Variants in RNF135 observed in about 807,000 individuals in gnomAD.
RNF135 encodes the protein E3 ubiquitin-protein ligase RNF135.
In RNF135, 46 loss-of-function variants were observed where a neutral mutation model predicts 41.9. The ratio of observed to expected loss-of-function variants is 1.10; its 90% CI spans 0.87 to 1.40. The LOEUF (loss-of-function observed/expected upper bound fraction) is 1.40, where lower values mean the gene tolerates loss of function less well. RNF135 is among the 40% of genes most tolerant of loss of function. The pLI is 0.00. For synonymous variants in RNF135, 238 were observed against 223.8 expected (o/e 1.06, Z -0.57); for missense variants, 539 against 549.8 (o/e 0.98, Z 0.20).
At chr17:30,960,800 C>T in the RNF135 span, among the ~76,000 whole-genome samples, 5 of 147,024 alleles carry the variant, frequency 3.4e-5, no homozygotes, top group African/African-American at 7.5e-5. Context: ...AGTGCAGTGG[C>T]GCAATCTCGG....
rs534146867 is a variant in RNF135, at chr17:30,971,128, C to A, written c.55C>A (p.Leu19Ile). The change falls in exon 1 of 5, where the codon CTC becomes ATC. Residue 19 changes from leucine to isoleucine, a missense_variant. Around this residue, in one of 2 missense-constraint regions of RNF135, gnomAD observed 277 missense variants for 212.8 expected, o/e 1.30. Coordinates refer to ENST00000328381, the MANE Select transcript of RNF135 (RefSeq NM_032322.4). ...AVPVWLAEDD[L>I]GCIICQGLLD... ...TCCCGTGTGGCTGGCCGAGGACGAC[C>A]TCGGCTGCATCATCTGCCAGGGGCT... 3.9e-6 allele frequency: 6 copies of A among 1,534,254 alleles called. No homozygotes were observed. In the East Asian group the frequency reaches 1.5e-4, roughly 38 times the overall value.
chr17:30,979,654 C>G (rs1323283329), intron 1 of RNF135, among the ~76,000 whole-genome samples: 1 of 98,636 alleles, frequency 1.0e-5, no homozygotes, highest in African/African-American at 3.6e-5. Flanking sequence ...GCTGGCCAGG[C>G]GGGGGGCTGA....
intron 3 of RNF135, among the ~76,000 whole-genome samples, chr17:30,994,158 G>A (rs1908179682): frequency 6.6e-6 from 1 of 152,142 alleles, no homozygotes; most frequent in African/African-American, 2.4e-5. Flanking sequence ...CAGCAAAATA[G>A]GAGAACAGTG....
At position 30,989,721 on chromosome 17, in the gene RNF135, C is replaced by T. The variant is rs142722621; in HGVS notation, c.679+1615C>T. The stretch of plus-strand genomic sequence containing the variant: ...ATGCTACTTAAAAAATCATTTCTGG[C>T]CAGTGCAGTGGCTTATGCCTGTAAT... On this transcript the variant is annotated intron_variant, in intron 3 of 4. Coordinates refer to ENST00000328381, the MANE Select transcript of RNF135 (RefSeq NM_032322.4). Among the ~76,000 whole-genome samples the T allele has an allele frequency of 1.7e-3, 258 of 152,232 alleles. 1 individual carries two copies. The highest frequency in any genetic ancestry group is 5.8e-3 in the African/African-American group (240 of 41,526).
chr17:30,986,215 CT>C (rs111962099), intron 2 of RNF135, among the ~76,000 whole-genome samples: 348 of 142,150 alleles, frequency 2.4e-3, no homozygotes, highest in Middle Eastern at 3.6e-3. Context: ...ACTTTTGATG[CT>C]TTTTTTTTTT....
chr17:30,988,086 C>G lies in RNF135; in HGVS notation c.659C>G (p.Ala220Gly), dbSNP rs1229439149. ...KLQESVTWKE[A>G]PEAQMQGELL... is the part of the protein sequence containing the mutation. ...CAAGAAAGCGTCACCTGGAAAGAGG[C>G]TCCTGAAGCACAAATGCAGGGTGAG... The change falls in exon 3 of 5, where the codon GCT becomes GGT. Residue 220 changes from alanine (A) to glycine (G), a missense_variant. This residue lies in a region of RNF135 where 262 missense variants were observed against 336.9 expected (regional missense o/e 0.78). Coordinates refer to ENST00000328381, the MANE Select transcript of RNF135 (RefSeq NM_032322.4). 2 of 1,614,004 alleles carry G rather than the reference C, an allele frequency of 1.2e-6. No individual in the cohort carries two copies. Among genetic ancestry groups the G allele is most frequent in the South Asian group, 2.2e-5 (2 of 91,076 alleles).
chr17:30,971,224 G>A lies in RNF135; in HGVS notation c.151G>A (p.Ala51Thr), dbSNP rs1256269376. ...CRHCLEALWG[A>T]RDARRWACPT... ...CCACTGCCTGGAGGCCCTGTGGGGC[G>A]CCCGCGACGCCCGCCGCTGGGCCTG... is the stretch of plus-strand genomic sequence containing the variant. The change falls in exon 1 of 5, where the codon GCC becomes ACC. Residue 51 changes from alanine to threonine, a missense_variant. Coordinates refer to ENST00000328381, the MANE Select transcript of RNF135 (RefSeq NM_032322.4). 2.0e-6 allele frequency: 3 copies of A among 1,511,482 alleles called. No individual in the cohort carries two copies. The highest frequency in any genetic ancestry group is 5.2e-5 in the East Asian group (2 of 38,238). 93.6% of individuals were successfully genotyped at this position (1,511,482 alleles called of 1,614,324 possible).
At chr17:30,984,588 C>T (rs534008854) in intron 1 of RNF135, 29 bp from the exon 2 acceptor site, 1 of 1,613,898 alleles carries the variant, frequency 6.2e-7, no homozygotes, top group Non-Finnish European at 8.5e-7. Context: ...TTTTATAGAA[C>T]CCAGGACCTG....
intron 1 of RNF135, chr17:30,975,448 T>G: frequency 1.3e-6 from 1 of 775,218 alleles, no homozygotes; most frequent in East Asian, 2.4e-5. Flanking sequence ...GGAAATGAAC[T>G]GTGTTCACTG....
intron 1 of RNF135, 139 bp from the exon 2 acceptor site, chr17:30,984,478 C>A: frequency 1.2e-6 from 1 of 851,446 alleles, no homozygotes. Flanking sequence ...GAGTTTATTT[C>A]TGGGTACTCT....
chr17:30,975,504 A>G, intron 1 of RNF135: 1 of 777,492 alleles, frequency 1.3e-6, no homozygotes, highest in Non-Finnish European at 2.4e-6. Flanking sequence ...GAGAACCCAT[A>G]CCCAAACCCC....
intron 1 of RNF135, among the ~76,000 whole-genome samples, chr17:30,978,250 C>T (rs1294303343): frequency 6.6e-6 from 1 of 152,124 alleles, no homozygotes; most frequent in Non-Finnish European, 1.5e-5. Context: ...TTATAACCTT[C>T]TTGTATGTAG....
At chr17:30,979,852 G>T (rs1411030981) in intron 1 of RNF135, among the ~76,000 whole-genome samples, 1 of 113,356 alleles carries the variant, frequency 8.8e-6, no homozygotes, top group Non-Finnish European at 1.9e-5. Context: ...CTGGCCAGGC[G>T]GGGGGGCTGA....
intron 1 of RNF135, among the ~76,000 whole-genome samples, chr17:30,982,079 C>T (rs1907191713): frequency 6.6e-6 from 1 of 152,240 alleles, no homozygotes; most frequent in South Asian, 2.1e-4. Context: ...ACCTAGGGCT[C>T]TATAATCAGC....
upstream of RNF135, among the ~76,000 whole-genome samples, chr17:30,968,081 CCAACATGGAGAAACCCTGT>C (rs1598068721): frequency 6.6e-6 from 1 of 151,746 alleles, no homozygotes; most frequent in Non-Finnish European, 1.5e-5. Context: ...ACAAGCCTGG[CCAACATGGAGAAACCCTGT>C]CAACATGGGG....
At position 30,975,881 on chromosome 17, in the gene RNF135, A is replaced by G. The variant is rs989074575; in HGVS notation, c.372+4436A>G. 1.6e-5 allele frequency: 11 copies of G among 668,160 alleles called. No homozygotes were observed. In the Admixed American group the frequency reaches 2.1e-4, roughly 13 times the overall value. 41.4% of individuals were successfully genotyped at this position (668,160 alleles called of 1,614,324 possible). A position where few individuals can be genotyped will look rare whatever the true frequency, so the allele number is the denominator to read the frequency against. Reference sequence around the variant, plus strand: ...TCCTAACGTATATGGCTTCTACCCCATTTTGGAATCCCAAGTTTGGGCTCC... The same window carrying G: ...TCCTAACGTATATGGCTTCTACCCCGTTTTGGAATCCCAAGTTTGGGCTCC... On this transcript the variant is annotated intron_variant, in intron 1 of 4. Transcript: ENST00000328381.
the RNF135 span, among the ~76,000 whole-genome samples, chr17:30,960,316 C>T: frequency 2.6e-5 from 4 of 151,784 alleles, no homozygotes; most frequent in East Asian, 3.9e-4. Flanking sequence ...CGCTTGAACC[C>T]GGCAGGCGGA....
chr17:30,966,354 TTTTATTTA>T (rs143848316), upstream of RNF135, among the ~76,000 whole-genome samples: 5 of 148,196 alleles, frequency 3.4e-5, no homozygotes, highest in South Asian at 4.2e-4. Context: ...TTTATTTTTA[TTTTATTTA>T]TTTATTTATT....
At position 30,976,302 on chromosome 17, in the gene RNF135, C is replaced by G. The variant is rs527388231; in HGVS notation, c.372+4857C>G. Among the ~76,000 whole-genome samples the G allele has an allele frequency of 2.6e-5, 4 of 152,310 alleles. No homozygotes were observed. The East Asian group carries it at 7.7e-4, about 29-fold the overall frequency. On this transcript the variant is annotated intron_variant, in intron 1 of 4. Coordinates refer to ENST00000328381, the MANE Select transcript of RNF135 (RefSeq NM_032322.4). Reference sequence around the variant, plus strand: ...TACAGGCATGAACCACCACGCCCAGCCTATTTCAATTTTTTTTGAATGTTT... The same window carrying G: ...TACAGGCATGAACCACCACGCCCAGGCTATTTCAATTTTTTTTGAATGTTT...
Sources: allele counts gnomAD v4.1 joint callset (sites outside exome capture counted in the v4.1 genomes callset), GRCh38; gene constraint gnomAD v4.1.1; regional missense constraint gnomAD v4.1.1; transcripts MANE v1.5; gene names NCBI Gene and HGNC (gene_info 2026-07-23, HGNC 2026-07-21).